Variants in HSPG2 observed in about 807,000 individuals in gnomAD.
The protein encoded by HSPG2 is basement membrane-specific heparan sulfate proteoglycan core protein.
In HSPG2, 278 loss-of-function variants were observed where a neutral mutation model predicts 526.6. The observed-to-expected ratio is 0.53, with a 90% CI of 0.48 to 0.58. HSPG2 has a LOEUF of 0.58. HSPG2 is among the 20% of genes least tolerant of loss of function. The probability of loss-of-function intolerance (pLI) is 0.00; values close to 1 mark genes in which losing one functional copy is unlikely to be tolerated. For missense variants in HSPG2, 5,354 were observed against 6,099.5 expected (o/e 0.88, Z 4.07); for synonymous variants, 2,465 against 2,555.4 (o/e 0.96, Z 1.07).
intron 11 of HSPG2, 33 bp from the exon 12 acceptor site, chr1:21,884,951 G>C: frequency 1.2e-6 from 2 of 1,613,924 alleles, no homozygotes; most frequent in South Asian, 1.1e-5. Flanking sequence ...GTAGGATCTG[G>C]CCTAGGGCTC....
chr1:21,849,647 G>A (rs1023763574), intron 57 of HSPG2, among the ~76,000 whole-genome samples: 1 of 152,158 alleles, frequency 6.6e-6, no homozygotes, highest in Non-Finnish European at 1.5e-5. Flanking sequence ...TAGCGGAACA[G>A]TGTCTGAACT....
chr1:21,892,340 C>T (rs368315527), intron 3 of HSPG2, among the ~76,000 whole-genome samples: 1 of 152,274 alleles, frequency 6.6e-6, no homozygotes, highest in African/African-American at 2.4e-5. Context: ...GCCCCACGGC[C>T]CAGCGCGGGC....
chr1:21,853,472 G>A (rs921018931), intron 50 of HSPG2: 29 of 221,992 alleles, frequency 1.3e-4, no homozygotes, highest in Non-Finnish European at 2.5e-4. Context: ...GGCCAGGCGC[G>A]GTGGCTCATG....
chr1:21,828,099 G>A lies in HSPG2; in HGVS notation c.12463C>T (p.His4155Tyr). 1.2e-6 allele frequency: 2 copies of A among 1,611,502 alleles called. No homozygotes were observed. Among genetic ancestry groups the A allele is most frequent in the Non-Finnish European group, 1.7e-6 (2 of 1,179,162 alleles). Reference protein sequence around the residue: ...NPCQLREPCLHGGTCQGTRCL... With the variant: ...NPCQLREPCLYGGTCQGTRCL... ...CGGGTGCCCTGGCAGGTGCCCCCAT[G>A]CAGACAGGGTTCACGGAGCTGGCAG... is the stretch of plus-strand genomic sequence containing the variant. Residue 4155 changes from histidine (H) to tyrosine (Y), a missense_variant, in exon 90 of 97, where the codon CAT becomes TAT. Physicochemically the swap from His to Tyr is moderately conservative, Grantham distance 83. Transcript: ENST00000374695. The surrounding 1 kb of genome is among the most constrained non-coding windows in gnomAD (Gnocchi z 6.0).
chr1:21,835,786 CCAGCCTGGCCAACATGGTGAAA>C, intron 75 of HSPG2, 149 bp from the exon 76 acceptor site: 1 of 629,712 alleles, frequency 1.6e-6, no homozygotes, highest in Non-Finnish European at 2.9e-6. Context: ...GAGCTTGAGA[CCAGCCTGGCCAACATGGTGAAA>C]CCCTGTTTCT....
In HSPG2 at chr1:21,887,279, G is replaced by A. The variant is rs114389996; in HGVS notation, c.1014C>T (p.Ala338=). Residue 338 remains alanine (A), a synonymous_variant, in exon 9 of 97, where the codon GCC becomes GCT. Coordinates refer to ENST00000374695, the MANE Select transcript of HSPG2 (RefSeq NM_005529.7). This position sits in a 1 kb window ranked among gnomAD's most constrained non-coding sequence, Gnocchi z 5.0. ...NEFPCGNGHC[A]LKLWRCDGDF... is the part of the protein sequence containing the mutation. Reference sequence around the variant, plus strand: ...CACCATCGCAGCGCCACAGCTTGAGGGCACAATGTCCATTCCCGCAGGGGA... The same window carrying A: ...CACCATCGCAGCGCCACAGCTTGAGAGCACAATGTCCATTCCCGCAGGGGA... The A allele has an allele frequency of 3.7e-5, 60 of 1,614,068 alleles. No individual in the cohort carries two copies. The African/African-American group carries it at 7.1e-4, about 19-fold the overall frequency.
chr1:21,853,065 C>G lies in HSPG2; in HGVS notation c.6445G>C (p.Gly2149Arg). ...HSGPSYTPVPGSTRPIRIEPS... is the reference protein window; with the variant it reads ...HSGPSYTPVPRSTRPIRIEPS... ...TCGATGCGGATGGGCCGGGTGCTGC[C>G]GGGCACTGGACACAGAGCGGCTGCT... Residue 2149 changes from glycine to arginine, a missense_variant, in exon 51 of 97, where the codon GGC (glycine) becomes CGC (arginine). Physicochemically the swap from Gly to Arg is moderately radical, Grantham distance 125. Transcript: ENST00000374695. 1.2e-6 allele frequency: 2 copies of G among 1,613,838 alleles called. No homozygotes were observed. Among genetic ancestry groups the G allele is most frequent in the Middle Eastern group, 1.6e-4 (1 of 6,062 alleles).
At chr1:21,935,985 A>G (rs897373182) in intron 1 of HSPG2, among the ~76,000 whole-genome samples, 1 of 152,044 alleles carries the variant, frequency 6.6e-6, no homozygotes, top group Non-Finnish European at 1.5e-5. Context: ...AGGAGGGTAG[A>G]GGTGCGATGA....
Position 21,830,102 on chromosome 1 carries a change from C to T in HSPG2, c.11672-11G>A. The T allele has an allele frequency of 1.3e-6, 2 of 1,583,510 alleles. No homozygotes were observed. The highest frequency in any genetic ancestry group is 8.6e-7 in the Non-Finnish European group (1 of 1,166,352). ...CGGGCCCACAGGCCTCTGGGGGGCA[C>T]ATAGGCCAGTGAAAAGACACGGAGG... On this transcript the variant is annotated splice_polypyrimidine_tract_variant and intron_variant, in intron 85 of 96. Coordinates refer to ENST00000374695, the MANE Select transcript of HSPG2 (RefSeq NM_005529.7).
intron 1 of HSPG2, among the ~76,000 whole-genome samples, chr1:21,933,507 C>T (rs1478845548): frequency 1.3e-5 from 2 of 152,234 alleles, no homozygotes; most frequent in African/African-American, 4.8e-5. Context: ...TTCCCCTCCA[C>T]TTTGCTCACC....
Position 21,829,467 on chromosome 1 carries a change from C to CA in HSPG2, c.11907_11908insT (p.Gly3970TrpfsTer25). The stretch of plus-strand genomic sequence containing the variant: ...TCCTCCACAGGCCCGCTCTTCCCCC[C>CA]GCTGAACAGCAGGACCCCGTCAGGG... On this transcript the variant is annotated frameshift_variant, in exon 87 of 97. Transcript: ENST00000374695. LOFTEE classifies it high-confidence loss of function. 6.2e-7 allele frequency: 1 copy of CA among 1,613,394 alleles called. No homozygotes were observed. The highest frequency in any genetic ancestry group is 8.5e-7 in the Non-Finnish European group (1 of 1,179,844).
chr1:21,833,510 G>A lies in HSPG2; in HGVS notation c.10935C>T (p.Asn3645=), dbSNP rs2098013534. 1 of 1,614,068 alleles carries A rather than the reference G, an allele frequency of 6.2e-7. No homozygotes were observed. The highest frequency in any genetic ancestry group is 1.3e-5 in the African/African-American group (1 of 74,934). Residue 3645 remains asparagine, a synonymous_variant, in exon 79 of 97, where the codon AAC becomes AAT. Coordinates refer to ENST00000374695, the MANE Select transcript of HSPG2 (RefSeq NM_005529.7). ...DAGTYVCTAT[N]RQGKVKAFAH... ...CAAAGGCTTTGACCTTGCCCTGGCG[G>A]TTAGTGGCGGTGCAGACGTAGGTAC... is the stretch of plus-strand genomic sequence containing the variant.
rs1221026403 is a variant in HSPG2 at position 21,839,922 on chromosome 1, G to C, written c.9609C>G (p.Asp3203Glu). 6.2e-7 allele frequency: 1 copy of C among 1,614,148 alleles called. No individual in the cohort carries two copies. The highest frequency in any genetic ancestry group is 8.5e-7 in the Non-Finnish European group (1 of 1,180,026). Residue 3203 changes from aspartate (D) to glutamate (E), a missense_variant, in exon 72 of 97, where the codon GAC (aspartate) becomes GAG (glutamate). Physicochemically the swap from Asp to Glu is conservative, Grantham distance 45 (BLOSUM62 2). Transcript: ENST00000374695. The surrounding 1 kb of genome is among the most constrained non-coding windows in gnomAD (Gnocchi z 4.5). The part of the protein sequence containing the change: ...TAQKQVEVIV[D>E]TGAMAPGAPQ... ...GGGCCCCTGGGGCCATGGCGCCCGT[G>C]TCCACGATCACCTCCACCTGCTTCT...
Position 21,854,993 on chromosome 1 carries a change from G to A in HSPG2, c.5998-10C>T. Reference sequence around the variant, plus strand: ...TGCGCTCTGACCGGGCCTGCCGTGGGTGAGATGGGTCAGCTGCCCCAGAGG... The same window carrying A: ...TGCGCTCTGACCGGGCCTGCCGTGGATGAGATGGGTCAGCTGCCCCAGAGG... On this transcript the variant is annotated splice_polypyrimidine_tract_variant and intron_variant, in intron 47 of 96. Coordinates refer to ENST00000374695, the MANE Select transcript of HSPG2 (RefSeq NM_005529.7). 3 of 1,611,540 alleles carry A rather than the reference G, an allele frequency of 1.9e-6. No individual in the cohort carries two copies. The highest frequency in any genetic ancestry group is 2.5e-6 in the Non-Finnish European group (3 of 1,179,988).
chr1:21,905,882 A>T (rs1643353867), intron 1 of HSPG2, among the ~76,000 whole-genome samples: 1 of 152,072 alleles, frequency 6.6e-6, no homozygotes, highest in South Asian at 2.1e-4. Context: ...GTGGTGGTGC[A>T]CACCTGTAGT....
intron 1 of HSPG2, among the ~76,000 whole-genome samples, chr1:21,924,903 G>C (rs891259461): frequency 5.3e-5 from 8 of 152,158 alleles, no homozygotes; most frequent in Non-Finnish European, 1.0e-4. Flanking sequence ...CCTCTAGAAA[G>C]TCTTTCCAGA....
intron 76 of HSPG2, 175 bp downstream of exon 76, chr1:21,835,365 A>G (rs1051784852): frequency 1.2e-5 from 8 of 645,768 alleles, no homozygotes; most frequent in African/African-American, 1.8e-5. Context: ...CCCTTGAAAT[A>G]TGTATCAAGC....
chr1:21,829,991 A>T lies in HSPG2; in HGVS notation c.11770+2T>A. On this transcript the variant is annotated splice_donor_variant, in intron 86 of 96. Transcript: ENST00000374695. LOFTEE classifies it high-confidence loss of function. ...GGGGGTCTCAGGCCTGGCTCCCCTC[A>T]CCTTCCTCACACCGCAACCCCGAGC... The T allele has an allele frequency of 6.2e-7, 1 of 1,604,668 alleles. No homozygotes were observed. Among genetic ancestry groups the T allele is most frequent in the South Asian group, 1.1e-5 (1 of 89,056 alleles).
chr1:21,835,173 G>C, intron 76 of HSPG2: 1 of 637,050 alleles, frequency 1.6e-6, no homozygotes, highest in South Asian at 1.8e-5. Flanking sequence ...GGTCTTGGTT[G>C]TATTCACAGG....
Sources: allele counts gnomAD v4.1 joint callset (sites outside exome capture counted in the v4.1 genomes callset), GRCh38; gene constraint gnomAD v4.1.1; non-coding constraint Gnocchi (gnomAD v3.1); transcripts MANE v1.5; gene names NCBI Gene and HGNC (gene_info 2026-07-23, HGNC 2026-07-21).